The following PLCH1 variants were observed in gnomAD, a reference collection of about 807,000 sequenced individuals.
PLCH1 encodes phospholipase C eta 1, also known as 1-phosphatidylinositol 4,5-bisphosphate phosphodiesterase eta-1.
PLCH1 carries 60 observed loss-of-function variants against 126.7 expected under a neutral mutation model. The ratio of observed to expected loss-of-function variants is 0.47; its 90% CI spans 0.38 to 0.59. PLCH1 has a LOEUF of 0.59. Among genes scored for constraint, PLCH1 ranks in the 20% least tolerant of loss-of-function variants. The pLI is 0.00. For missense variants in PLCH1, 1,723 were observed against 2,040.0 expected (o/e 0.84, Z 2.99); for synonymous variants, 719 against 734.9 (o/e 0.98, Z 0.35).
intron 19 of PLCH1, among the ~76,000 whole-genome samples, chr3:155,489,847 C>G (rs1029288992): frequency 6.6e-6 from 1 of 152,010 alleles, no homozygotes; most frequent in Non-Finnish European, 1.5e-5. Flanking sequence ...CCACTTAACC[C>G]TATCAAAAAG....
chr3:155,541,959 C>T (rs1724312239), intron 10 of PLCH1, among the ~76,000 whole-genome samples: 1 of 152,210 alleles, frequency 6.6e-6, no homozygotes. Context: ...ATGAGCAACG[C>T]AGAAGACCGG....
chr3:155,609,811 A>C (rs1462326408), intron 2 of PLCH1, among the ~76,000 whole-genome samples: 1 of 152,084 alleles, frequency 6.6e-6, no homozygotes, highest in Non-Finnish European at 1.5e-5. Flanking sequence ...GCTCAAAGAC[A>C]AGGGTTTTAA....
At chr3:155,712,913 T>C (rs1394154253) in intron 1 of PLCH1, among the ~76,000 whole-genome samples, 1 of 150,644 alleles carries the variant, frequency 6.6e-6, no homozygotes, top group Non-Finnish European at 1.5e-5. Flanking sequence ...AAACCAATAC[T>C]CCCTTTACAT....
intron 2 of PLCH1, among the ~76,000 whole-genome samples, chr3:155,637,754 A>G (rs1402520714): frequency 1.3e-5 from 2 of 152,220 alleles, no homozygotes; most frequent in African/African-American, 2.4e-5. Flanking sequence ...CCAAAACCCA[A>G]GAAAGAACCT....
chr3:155,482,057 G>A lies in PLCH1; in HGVS notation c.3969C>T (p.Cys1323=). Residue 1323 remains cysteine, a synonymous_variant, in exon 23 of 23, where the codon TGC becomes TGT. Transcript: ENST00000460012. ...KGEDWETLKS[C]SPASSPDLTL... ...TCAAATCAGGGGAAGAGGCAGGGCTGCAGCTCTTCAGTGTTTCCCAGTCTT... is the reference window on the plus strand; with the variant it reads ...TCAAATCAGGGGAAGAGGCAGGGCTACAGCTCTTCAGTGTTTCCCAGTCTT... 6.2e-7 allele frequency: 1 copy of A among 1,614,138 alleles called. No homozygotes were observed.
chr3:155,729,662 G>A (rs1004086481), intron 1 of PLCH1, among the ~76,000 whole-genome samples: 2 of 152,108 alleles, frequency 1.3e-5, no homozygotes, highest in Non-Finnish European at 2.9e-5. Context: ...AGTGGCTCAC[G>A]CCTGTAATTC....
intron 21 of PLCH1, among the ~76,000 whole-genome samples, chr3:155,472,434 C>T (rs1560033321): frequency 6.6e-6 from 1 of 152,062 alleles, no homozygotes; most frequent in Non-Finnish European, 1.5e-5. Flanking sequence ...TGGCAAAAAT[C>T]AATAGTTTAC....
intron 11 of PLCH1, 28 bp downstream of exon 11, chr3:155,523,868 TA>T: frequency 1.5e-6 from 2 of 1,298,998 alleles, no homozygotes; most frequent in Non-Finnish European, 2.2e-6. Context: ...ATATCAAGGA[TA>T]AAAAATATGG....
At chr3:155,583,267 A>G (rs1361992787) in intron 6 of PLCH1, among the ~76,000 whole-genome samples, 2 of 152,084 alleles carry the variant, frequency 1.3e-5, no homozygotes. Flanking sequence ...ATTAAGAATT[A>G]TATAACCCAG....
intron 4 of PLCH1, among the ~76,000 whole-genome samples, chr3:155,590,837 C>G (rs903145602): frequency 1.3e-5 from 2 of 152,090 alleles, no homozygotes; most frequent in Non-Finnish European, 2.9e-5. Context: ...CTCAAAATAA[C>G]CTTTCTCATT....
In PLCH1 at chr3:155,627,699, T is replaced by C. The variant is rs569527181; in HGVS notation, c.80-31321A>G. 1.5e-4 allele frequency among the ~76,000 whole-genome samples: 22 copies of C among 151,378 alleles called. No homozygotes were observed. In the South Asian group the frequency reaches 4.6e-3, roughly 32 times the overall value. On this transcript the variant is annotated intron_variant, in intron 2 of 22. Coordinates refer to ENST00000460012, the MANE Select transcript of PLCH1 (RefSeq NM_014996.4). ...GGGGCTCAATTAAATAAATGGTGGG[T>C]TAACCATATATTATGATGTGATTAA...
At chr3:155,647,993 C>A (rs1465820294) in intron 2 of PLCH1, among the ~76,000 whole-genome samples, 2 of 152,130 alleles carry the variant, frequency 1.3e-5, no homozygotes, top group East Asian at 3.8e-4. Context: ...GTGTTTCAAC[C>A]TGCTGTATTT....
At chr3:155,713,944 G>T (rs925454028) in intron 1 of PLCH1, among the ~76,000 whole-genome samples, 2 of 152,072 alleles carry the variant, frequency 1.3e-5, no homozygotes, top group Non-Finnish European at 2.9e-5. Context: ...GAACTGTCAG[G>T]TATCAGTTGT....
intron 2 of PLCH1, among the ~76,000 whole-genome samples, chr3:155,669,285 A>G (rs1743147080): frequency 1.3e-5 from 2 of 152,250 alleles, no homozygotes; most frequent in Admixed American, 6.5e-5. Context: ...TAAATAAAAT[A>G]AGAAACTTGA....
intron 2 of PLCH1, among the ~76,000 whole-genome samples, chr3:155,696,719 T>A (rs2109059339): frequency 6.6e-6 from 1 of 152,344 alleles, no homozygotes; most frequent in African/African-American, 2.4e-5. Context: ...TATTTCTTCT[T>A]TCTAATTAAT....
At chr3:155,520,010 G>A (rs1720876871) in intron 11 of PLCH1, among the ~76,000 whole-genome samples, 1 of 152,062 alleles carries the variant, frequency 6.6e-6, no homozygotes. Flanking sequence ...ACCATCTCCT[G>A]CCTGCTCCTT....
At chr3:155,695,220 C>T (rs1210849938) in intron 2 of PLCH1, among the ~76,000 whole-genome samples, 1 of 152,142 alleles carries the variant, frequency 6.6e-6, no homozygotes, top group Admixed American at 6.5e-5. Flanking sequence ...TTTGAAATTA[C>T]TTTAAGAAAT....
chr3:155,466,157 A>C (rs1036836481), intron 21 of PLCH1, among the ~76,000 whole-genome samples: 2 of 152,182 alleles, frequency 1.3e-5, no homozygotes, highest in African/African-American at 4.8e-5. Flanking sequence ...GTAGCCAGGG[A>C]GTGGTCACAG....
At chr3:155,679,174 AC>A (rs1744316342) in intron 2 of PLCH1, among the ~76,000 whole-genome samples, 1 of 152,222 alleles carries the variant, frequency 6.6e-6, no homozygotes, top group African/African-American at 2.4e-5. Context: ...TTTCAGAGAA[AC>A]AACAAATAAT....
Sources: gnomAD v4.1 joint callset for allele counts (sites outside exome capture counted in the v4.1 genomes callset) on GRCh38, gnomAD v4.1.1 for gene constraint, MANE v1.5 for transcripts, NCBI Gene and HGNC (gene_info 2026-07-23, HGNC 2026-07-21) for gene names.